Variants in DLGAP1 observed in about 807,000 individuals in gnomAD.
DLGAP1 encodes disks large-associated protein 1.
In DLGAP1, 11 loss-of-function variants were observed where a neutral mutation model predicts 90.8. That is an observed-to-expected ratio of 0.12 (90% CI 0.08 to 0.20). The LOEUF (loss-of-function observed/expected upper bound fraction) is 0.20, where lower values mean the gene tolerates loss of function less well. Ranked by LOEUF, DLGAP1 falls within the 10% of genes least tolerant of loss-of-function variation. The pLI, the probability that DLGAP1 is intolerant of heterozygous loss-of-function variation, is 1.00. For synonymous variants in DLGAP1, 558 were observed against 540.7 expected, an observed-to-expected ratio of 1.03 and a Z score of -0.44; for missense variants, 1,050 against 1,333.8, an observed-to-expected ratio of 0.79 and a Z score of 3.31.
chr18:3,806,518 A>G (rs1164505214), intron 5 of DLGAP1, among the ~76,000 whole-genome samples: 2 of 152,238 alleles, frequency 1.3e-5, no homozygotes, highest in Non-Finnish European at 2.9e-5. Context: ...TTAAATTATT[A>G]AAGGTACCAA....
intron 4 of DLGAP1, among the ~76,000 whole-genome samples, chr18:3,834,719 C>T (rs1368966233): frequency 3.3e-5 from 5 of 152,070 alleles, no homozygotes; most frequent in Non-Finnish European, 7.4e-5. Flanking sequence ...GACTGGAACA[C>T]GGTGGGGGAG....
At chr18:3,789,321 G>C (rs2065610645) in intron 5 of DLGAP1, among the ~76,000 whole-genome samples, 1 of 152,232 alleles carries the variant, frequency 6.6e-6, no homozygotes, top group African/African-American at 2.4e-5. Flanking sequence ...AAGAGTCTGA[G>C]CATGAAAAGC....
chr18:3,781,693 T>C (rs981778686), intron 5 of DLGAP1, among the ~76,000 whole-genome samples: 11 of 152,234 alleles, frequency 7.2e-5, no homozygotes, highest in Non-Finnish European at 2.9e-5. Flanking sequence ...TTAGATAAGA[T>C]TGTCTACAGC....
chr18:3,596,177 T>A (rs56691172), intron 7 of DLGAP1, among the ~76,000 whole-genome samples: 1,818 of 152,046 alleles, frequency 0.012, 32 homozygotes, highest in African/African-American at 0.042. Flanking sequence ...TTTTTTTTTT[T>A]AAGACCGTGT....
chr18:4,240,214 A>G (rs2078503120), intron 1 of DLGAP1, among the ~76,000 whole-genome samples: 1 of 152,154 alleles, frequency 6.6e-6, no homozygotes, highest in Admixed American at 6.6e-5. Flanking sequence ...CATTTTTTAA[A>G]TTTAAAAAAA....
Position 4,327,444 on chromosome 18 carries a change from T to G in DLGAP1, c.-267+127562A>C, listed in dbSNP as rs887522402. On this transcript the variant is annotated intron_variant, in intron 1 of 12. Transcript: ENST00000315677. The stretch of plus-strand genomic sequence containing the variant: ...GTGTAAGTAATCAAGAGCTTTTAGA[T>G]TCTAGAATTTAAAAAATCAATTTTA... Among the ~76,000 whole-genome samples the G allele has an allele frequency of 3.3e-5, 5 of 152,076 alleles. No individual in the cohort carries two copies. In the East Asian group the frequency reaches 7.7e-4, roughly 23 times the overall value.
At chr18:3,708,563 G>A in intron 7 of DLGAP1, 1 of 456,470 alleles carries the variant, frequency 2.2e-6, no homozygotes, top group South Asian at 1.5e-5. Flanking sequence ...CTCTCCAAGA[G>A]CACCTTCAGG....
intron 1 of DLGAP1, among the ~76,000 whole-genome samples, chr18:4,333,502 G>A (rs1431180799): frequency 6.6e-5 from 10 of 151,022 alleles, no homozygotes; most frequent in African/African-American, 1.7e-4. Flanking sequence ...GAAATAATTC[G>A]TGGTCATTTG....
At chr18:4,092,436 G>T in intron 2 of DLGAP1, among the ~76,000 whole-genome samples, 1 of 152,264 alleles carries the variant, frequency 6.6e-6, no homozygotes. Context: ...ACCAAATTCT[G>T]CCTTGCATCT....
At chr18:3,790,769 T>G (rs1290545259) in intron 5 of DLGAP1, among the ~76,000 whole-genome samples, 1 of 152,122 alleles carries the variant, frequency 6.6e-6, no homozygotes, top group Admixed American at 6.5e-5. Context: ...GGGAAGTGGA[T>G]AGTGCATTTG....
At chr18:4,413,331 G>A (rs1277481999) in intron 1 of DLGAP1, among the ~76,000 whole-genome samples, 2 of 152,150 alleles carry the variant, frequency 1.3e-5, no homozygotes, top group Admixed American at 6.5e-5. Flanking sequence ...CAGCCCGGCA[G>A]GTGGACTATA....
intron 9 of DLGAP1, among the ~76,000 whole-genome samples, chr18:3,550,378 A>G (rs932480009): frequency 6.6e-6 from 1 of 152,140 alleles, no homozygotes; most frequent in African/African-American, 2.4e-5. Flanking sequence ...GGCACATGCC[A>G]CCACGCCCAG....
intron 1 of DLGAP1, among the ~76,000 whole-genome samples, chr18:4,415,174 C>T (rs1385869414): frequency 6.6e-6 from 1 of 151,954 alleles, no homozygotes; most frequent in Admixed American, 6.6e-5. Flanking sequence ...CCTTAGCACC[C>T]AGAGCAAACA....
intron 5 of DLGAP1, among the ~76,000 whole-genome samples, chr18:3,807,815 CT>C (rs2066637061): frequency 6.6e-6 from 1 of 152,178 alleles, no homozygotes; most frequent in South Asian, 2.1e-4. Context: ...TCGGGACTTT[CT>C]TTTATTCTTT....
intron 12 of DLGAP1, 48 bp downstream of exon 12, chr18:3,502,445 G>A: frequency 1.2e-6 from 2 of 1,612,734 alleles, no homozygotes; most frequent in Non-Finnish European, 1.7e-6. Context: ...ACTGTCCAGT[G>A]TTTGTGCAGG....
In DLGAP1 at chr18:3,703,995, G is replaced by A. The variant is rs1598404007; in HGVS notation, c.1591+25140C>T. 2.0e-5 allele frequency among the ~76,000 whole-genome samples: 3 copies of A among 152,304 alleles called. No individual in the cohort carries two copies. The South Asian group carries it at 6.2e-4, about 32-fold the overall frequency. ...GGCTATATCAGGCAATTATACCATTGGGAACATTAGGGCTGCTTTGTAAAA... is the reference window on the plus strand; with the variant it reads ...GGCTATATCAGGCAATTATACCATTAGGAACATTAGGGCTGCTTTGTAAAA... On this transcript the variant is annotated intron_variant, in intron 7 of 12. Coordinates refer to ENST00000315677, the MANE Select transcript of DLGAP1 (RefSeq NM_004746.4).
chr18:4,115,496 T>TCCTTCCTTCCTTCC (rs1568405036), intron 2 of DLGAP1, among the ~76,000 whole-genome samples: 2 of 151,348 alleles, frequency 1.3e-5, no homozygotes, highest in African/African-American at 4.9e-5. Flanking sequence ...CTTTCTTTCT[T>TCCTTCCTTCCTTCC]TTTTTTTGAG....
intron 7 of DLGAP1, among the ~76,000 whole-genome samples, chr18:3,584,614 A>G (rs1048184729): frequency 2.0e-5 from 3 of 152,154 alleles, no homozygotes; most frequent in South Asian, 2.1e-4. Flanking sequence ...TCTCATTACA[A>G]TATCATATGG....
At chr18:4,236,983 C>T (rs2078430300) in intron 1 of DLGAP1, among the ~76,000 whole-genome samples, 1 of 152,200 alleles carries the variant, frequency 6.6e-6, no homozygotes, top group Non-Finnish European at 1.5e-5. Flanking sequence ...GTCTCCCCTG[C>T]TCCTTCTGGT....
Sources: gnomAD v4.1 joint callset for allele counts (sites outside exome capture counted in the v4.1 genomes callset) on GRCh38, gnomAD v4.1.1 for gene constraint, MANE v1.5 for transcripts, NCBI Gene and HGNC (gene_info 2026-07-23, HGNC 2026-07-21) for gene names.